The following PPM1H variants were observed in gnomAD, a reference collection of about 807,000 sequenced individuals.
PPM1H encodes protein phosphatase 1H.
PPM1H carries 27 observed loss-of-function variants against 54.9 expected under a neutral mutation model. That is an observed-to-expected ratio of 0.49 (90% confidence interval 0.36 to 0.68). The LOEUF (loss-of-function observed/expected upper bound fraction) is 0.68, where lower values mean the gene tolerates loss of function less well. Among genes scored for constraint, PPM1H ranks in the 30% least tolerant of loss-of-function variants. The pLI is 0.00. For synonymous variants in PPM1H, 305 were observed against 270.8 expected (o/e 1.13, Z -1.24); for missense variants, 596 against 667.8 (o/e 0.89, Z 1.19).
intron 2 of PPM1H, among the ~76,000 whole-genome samples, chr12:62,802,866 G>T (rs2076779796): frequency 6.6e-6 from 1 of 152,104 alleles, no homozygotes; most frequent in African/African-American, 2.4e-5. Context: ...TTATCCCAAA[G>T]GGCTGGGATT....
chr12:62,895,086 GAACTTCAT>G (rs1488274205), intron 1 of PPM1H, among the ~76,000 whole-genome samples: 2 of 152,300 alleles, frequency 1.3e-5, no homozygotes, highest in Non-Finnish European at 2.9e-5. Flanking sequence ...AAGATAGGAG[GAACTTCAT>G]AACTCCATTC....
intron 4 of PPM1H, among the ~76,000 whole-genome samples, chr12:62,739,289 A>T (rs2076368712): frequency 6.6e-6 from 1 of 152,158 alleles, no homozygotes; most frequent in Non-Finnish European, 1.5e-5. Flanking sequence ...ACCATTCACA[A>T]ATCAGTGTGA....
intron 1 of PPM1H, among the ~76,000 whole-genome samples, chr12:62,911,481 G>T (rs960714418): frequency 6.6e-6 from 1 of 152,162 alleles, no homozygotes; most frequent in East Asian, 1.9e-4. Context: ...CTAAATGTAC[G>T]AGTCAGCATT....
intron 1 of PPM1H, among the ~76,000 whole-genome samples, chr12:62,924,557 G>C (rs1249564828): frequency 6.6e-6 from 1 of 152,184 alleles, no homozygotes; most frequent in African/African-American, 2.4e-5. Flanking sequence ...CTACATTCGA[G>C]ACTATCATCC....
chr12:62,753,582 C>T (rs1592580647), intron 4 of PPM1H, among the ~76,000 whole-genome samples: 1 of 152,204 alleles, frequency 6.6e-6, no homozygotes, highest in African/African-American at 2.4e-5. Context: ...GCATCCTCAC[C>T]CCCTACTCTT....
At chr12:62,817,138 A>C (rs28377908) in intron 2 of PPM1H, among the ~76,000 whole-genome samples, 1 of 84,948 alleles carries the variant, frequency 1.2e-5, no homozygotes, top group Non-Finnish European at 2.0e-5. Flanking sequence ...AAAAAAAAAG[A>C]AAAAAAAAAA....
At chr12:62,793,780 G>GTGCAATGA (rs2076715273) in intron 3 of PPM1H, among the ~76,000 whole-genome samples, 1 of 146,952 alleles carries the variant, frequency 6.8e-6, no homozygotes, top group African/African-American at 2.5e-5. Flanking sequence ...AGAGATGTGT[G>GTGCAATGA]TGCAATGAGA....
In PPM1H at chr12:62,793,177, A is replaced by C. The variant is rs140321459; in HGVS notation, c.757-4839T>G. On this transcript the variant is annotated intron_variant, in intron 3 of 9. Coordinates refer to ENST00000228705, the MANE Select transcript of PPM1H (RefSeq NM_020700.2). The stretch of plus-strand genomic sequence containing the variant: ...AAAACACATGCATATACTATCATTC[A>C]AGTATGGTCTAAAAGGATCGATTAA... Among the ~76,000 whole-genome samples the C allele has an allele frequency of 3.1e-3, 474 of 152,254 alleles. 5 individuals carry two copies. The highest frequency in any genetic ancestry group is 0.01 in the African/African-American group (426 of 41,560).
intron 9 of PPM1H, chr12:62,658,702 A>G (rs1322808184): frequency 3.0e-6 from 1 of 334,280 alleles, no homozygotes; most frequent in Non-Finnish European, 5.7e-6. Flanking sequence ...TGCATTTCCT[A>G]GGAACAGTTC....
At position 62,934,453 on chromosome 12, in the gene PPM1H, C is replaced by T; in HGVS notation, c.245+39G>A. Reference sequence around the variant, plus strand: ...GCTGGAACCGTGCGGGGAAGGGCCGCGAGGAGAGCAGGGGCGCCGCCGGTG... The same window carrying T: ...GCTGGAACCGTGCGGGGAAGGGCCGTGAGGAGAGCAGGGGCGCCGCCGGTG... On this transcript the variant is annotated intron_variant, in intron 1 of 9. Coordinates refer to ENST00000228705, the MANE Select transcript of PPM1H (RefSeq NM_020700.2). This position sits in a 1 kb window ranked among gnomAD's most constrained non-coding sequence, Gnocchi z 4.2. 1 of 1,506,232 alleles carries T rather than the reference C, an allele frequency of 6.6e-7. No individual in the cohort carries two copies. The highest frequency in any genetic ancestry group is 8.9e-7 in the Non-Finnish European group (1 of 1,128,970). 93.3% of individuals were successfully genotyped at this position (1,506,232 alleles called of 1,614,324 possible). A position where few individuals can be genotyped will look rare whatever the true frequency, so the allele number is the denominator to read the frequency against.
chr12:62,881,572 G>A (rs1330781248), intron 1 of PPM1H, among the ~76,000 whole-genome samples: 2 of 152,134 alleles, frequency 1.3e-5, no homozygotes, highest in African/African-American at 4.8e-5. Flanking sequence ...GTTCTCAATT[G>A]CATAAGCCAA....
chr12:62,881,553 G>A (rs550860334), intron 1 of PPM1H, among the ~76,000 whole-genome samples: 4 of 152,258 alleles, frequency 2.6e-5, no homozygotes, highest in Admixed American at 2.0e-4. Context: ...ATTCCAAATT[G>A]CCTAGCCAGT....
intron 8 of PPM1H, among the ~76,000 whole-genome samples, chr12:62,669,729 C>T (rs1036191568): frequency 9.2e-5 from 14 of 152,052 alleles, no homozygotes; most frequent in South Asian, 2.1e-4. Flanking sequence ...GCCAGGAGTT[C>T]GTGACCAGCC....
At chr12:62,783,789 T>A (rs2076655567) in intron 4 of PPM1H, among the ~76,000 whole-genome samples, 2 of 152,244 alleles carry the variant, frequency 1.3e-5, no homozygotes, top group Non-Finnish European at 1.5e-5. Context: ...AAATGCTTTT[T>A]AAAACTCTGA....
chr12:62,673,051 T>C (rs2075965282), intron 8 of PPM1H, among the ~76,000 whole-genome samples: 1 of 152,242 alleles, frequency 6.6e-6, no homozygotes, highest in African/African-American at 2.4e-5. Flanking sequence ...ACAAATGTAA[T>C]GTGCTGATAT....
intron 4 of PPM1H, among the ~76,000 whole-genome samples, chr12:62,772,676 T>TA (rs2076586129): frequency 6.6e-6 from 1 of 152,004 alleles, no homozygotes; most frequent in African/African-American, 2.4e-5. Flanking sequence ...CTAAAACCCT[T>TA]ATGAAGGGAT....
chr12:62,658,182 A>ATTTTTGTTTTTT (rs2075857327), intron 9 of PPM1H, among the ~76,000 whole-genome samples: 1 of 87,556 alleles, frequency 1.1e-5, no homozygotes, highest in African/African-American at 4.5e-5. Context: ...AACACGGTGA[A>ATTTTTGTTTTTT]TTTTTTTTTT....
At chr12:62,799,113 T>A (rs1314145474) in intron 3 of PPM1H, among the ~76,000 whole-genome samples, 1 of 152,212 alleles carries the variant, frequency 6.6e-6, no homozygotes, top group Admixed American at 6.5e-5. Context: ...ACAATTGTTG[T>A]TTTTGCTGGT....
At chr12:62,682,950 T>C (rs1224415379) in intron 8 of PPM1H, among the ~76,000 whole-genome samples, 1 of 151,890 alleles carries the variant, frequency 6.6e-6, no homozygotes, top group Non-Finnish European at 1.5e-5. Context: ...GTATCCCCAG[T>C]AGCTGAGACT....
Sources: gnomAD v4.1 joint callset for allele counts (sites outside exome capture counted in the v4.1 genomes callset) on GRCh38, gnomAD v4.1.1 for gene constraint, Gnocchi (gnomAD v3.1) non-coding constraint, MANE v1.5 for transcripts, NCBI Gene and HGNC (gene_info 2026-07-23, HGNC 2026-07-21) for gene names.